PRELID2: variants seen among roughly 807,000 people sequenced by gnomAD.
The protein encoded by PRELID2 is PRELI domain containing 2, also known as PRELI domain-containing protein 2.
A neutral mutation model predicts 28.4 loss-of-function variants in PRELID2; 25 were observed. That is an observed-to-expected ratio of 0.88 (90% CI 0.64 to 1.23). The LOEUF (loss-of-function observed/expected upper bound fraction) is 1.23. Ranked by LOEUF, PRELID2 falls within the 50% of genes most tolerant of loss-of-function variation. The pLI is 0.00. For synonymous variants in PRELID2, 76 were observed against 71.6 expected (o/e 1.06, Z -0.31); for missense variants, 201 against 214.4 (o/e 0.94, Z 0.39).
At chr5:145,739,321 T>C (rs1307159832) in intron 1 of PRELID2, among the ~76,000 whole-genome samples, 1 of 152,086 alleles carries the variant, frequency 6.6e-6, no homozygotes, top group African/African-American at 2.4e-5. Flanking sequence ...CCGGCCAACA[T>C]GGTGAAACCT....
At chr5:145,432,931 A>G in the PRELID2 span, among the ~76,000 whole-genome samples, 3 of 152,198 alleles carry the variant, frequency 2.0e-5, no homozygotes, top group East Asian at 1.9e-4. Flanking sequence ...TAAACAGGGC[A>G]TCTTCAATTG....
At chr5:145,781,246 G>A (rs191809190) in intron 5 of PRELID2, among the ~76,000 whole-genome samples, 1 of 152,244 alleles carries the variant, frequency 6.6e-6, no homozygotes, top group East Asian at 1.9e-4. Flanking sequence ...ACAGCTCAAG[G>A]AGCACTGAAG....
At chr5:145,343,066 A>C in the PRELID2 span, among the ~76,000 whole-genome samples, 9 of 152,120 alleles carry the variant, frequency 5.9e-5, no homozygotes, top group South Asian at 1.9e-3. Flanking sequence ...CAATACAATA[A>C]CAGTGGGGGA....
intron 1 of PRELID2, among the ~76,000 whole-genome samples, chr5:145,691,263 CTA>C (rs1301886962): frequency 3.3e-5 from 5 of 152,208 alleles, no homozygotes; most frequent in Middle Eastern, 6.3e-3. Context: ...AAAGTGGAAA[CTA>C]TGCATAGCAG....
chr5:145,645,550 TTA>T (rs1754183602), intron 1 of PRELID2, among the ~76,000 whole-genome samples: 1 of 152,096 alleles, frequency 6.6e-6, no homozygotes, highest in South Asian at 2.1e-4. Context: ...GTTAACATTG[TTA>T]TGTGTGAATC....
At chr5:145,585,046 C>T (rs1212094792) in intron 1 of PRELID2, among the ~76,000 whole-genome samples, 2 of 152,074 alleles carry the variant, frequency 1.3e-5, no homozygotes, top group Non-Finnish European at 2.9e-5. Flanking sequence ...AAATATCTGT[C>T]AGTGATAGAC....
chr5:145,424,745 C>T, the PRELID2 span, among the ~76,000 whole-genome samples: 5 of 152,156 alleles, frequency 3.3e-5, no homozygotes, highest in African/African-American at 9.7e-5. Flanking sequence ...CTTGGCTCCT[C>T]CCCATCCATA....
intron 1 of PRELID2, among the ~76,000 whole-genome samples, chr5:145,710,772 TA>T (rs1466618323): frequency 3.9e-5 from 6 of 152,280 alleles, no homozygotes; most frequent in Non-Finnish European, 1.5e-5. Flanking sequence ...CAGAAATGAA[TA>T]AGGGATAAAA....
chr5:145,647,356 G>A (rs777560312), intron 1 of PRELID2, among the ~76,000 whole-genome samples: 6 of 152,080 alleles, frequency 3.9e-5, no homozygotes, highest in Non-Finnish European at 7.3e-5. Flanking sequence ...AGCAATGGTC[G>A]ACGCACCTCC....
At chr5:145,290,818 ATT>A in the PRELID2 span, among the ~76,000 whole-genome samples, 308 of 147,316 alleles carry the variant, frequency 2.1e-3, 2 homozygotes, top group African/African-American at 7.3e-3. Flanking sequence ...GTGTTTTGTA[ATT>A]TTTTTTTTTT....
chr5:145,548,349 G>C (rs996943141), intron 1 of PRELID2, among the ~76,000 whole-genome samples: 1 of 152,172 alleles, frequency 6.6e-6, no homozygotes, highest in African/African-American at 2.4e-5. Flanking sequence ...TGAATCACAA[G>C]AGGAAAGGGG....
intron 1 of PRELID2, among the ~76,000 whole-genome samples, chr5:145,508,058 T>C (rs1209621451): frequency 6.6e-6 from 1 of 152,170 alleles, no homozygotes; most frequent in African/African-American, 2.4e-5. Flanking sequence ...TCATAAAGAT[T>C]ACCAAAATTT....
the PRELID2 span, among the ~76,000 whole-genome samples, chr5:145,264,969 T>TAAAAAAAAAAAAAAAAAAAAAAAAAAAA: frequency 1.8e-5 from 1 of 56,876 alleles, no homozygotes; most frequent in Non-Finnish European, 3.7e-5. Flanking sequence ...AGTGCAACTC[T>TAAAAAAAAAAAAAAAAAAAAAAAAAAAA]AAAAAAAAAA....
At chr5:145,742,331 T>TTG (rs1756853019) in intron 1 of PRELID2, among the ~76,000 whole-genome samples, 1 of 143,508 alleles carries the variant, frequency 7.0e-6, no homozygotes, top group Non-Finnish European at 1.5e-5. Context: ...TAGATATATT[T>TTG]TTTTTTTCTG....
At chr5:145,547,381 A>G (rs1250976202) in intron 1 of PRELID2, among the ~76,000 whole-genome samples, 1 of 152,160 alleles carries the variant, frequency 6.6e-6, no homozygotes, top group African/African-American at 2.4e-5. Flanking sequence ...GATTATCCAC[A>G]TGGACCCGGC....
intron 1 of PRELID2, among the ~76,000 whole-genome samples, chr5:145,510,659 T>C (rs1022815978): frequency 6.6e-6 from 1 of 152,188 alleles, no homozygotes; most frequent in African/African-American, 2.4e-5. Context: ...CCTGGAACTG[T>C]TGATAAACCA....
At chr5:145,373,119 AT>A in the PRELID2 span, among the ~76,000 whole-genome samples, 3 of 47,978 alleles carry the variant, frequency 6.3e-5, no homozygotes, top group African/African-American at 2.8e-4. Context: ...AACATATATA[AT>A]ATACATGATA....
chr5:145,444,496 C>T, the PRELID2 span, among the ~76,000 whole-genome samples: 1 of 151,922 alleles, frequency 6.6e-6, no homozygotes, highest in African/African-American at 2.4e-5. Context: ...TTTTCTATAG[C>T]TCTGAGTGCC....
chr5:145,663,337 T>A (rs958389104), intron 1 of PRELID2, among the ~76,000 whole-genome samples: 2 of 152,122 alleles, frequency 1.3e-5, no homozygotes, highest in African/African-American at 2.4e-5. Flanking sequence ...ATAGTTGCTA[T>A]CCATCTTTCA....
Sources: gnomAD v4.1 joint callset for allele counts (sites outside exome capture counted in the v4.1 genomes callset) on GRCh38, gnomAD v4.1.1 for gene constraint, MANE v1.5 for transcripts, NCBI Gene and HGNC (gene_info 2026-07-23, HGNC 2026-07-21) for gene names.